MYO16: variants seen among roughly 807,000 people sequenced by gnomAD.
MYO16 encodes myosin XVI, also known as unconventional myosin-XVI.
A neutral mutation model predicts 205.3 loss-of-function variants in MYO16; 94 were observed. That is an observed-to-expected ratio of 0.46 (90% CI 0.39 to 0.54). The LOEUF is 0.54. Among genes scored for constraint, MYO16 ranks in the 20% least tolerant of loss-of-function variants. The pLI is 0.00. For missense variants in MYO16, 2,315 were observed against 2,387.5 expected (o/e 0.97, Z 0.63); for synonymous variants, 988 against 954.0 (o/e 1.04, Z -0.66).
chr13:109,207,567 T>C lies in MYO16; in HGVS notation c.*731T>C, dbSNP rs1402404964. 6.6e-6 allele frequency: 1 copy of C among 152,240 alleles called. No individual in the cohort carries two copies. The highest frequency in any genetic ancestry group is 2.4e-5 in the African/African-American group (1 of 41,456). The allele number at this position is 152,240 out of a possible 1,614,324, so 9.4% of individuals were successfully genotyped here. On this transcript the variant is annotated 3_prime_UTR_variant, in exon 35 of 35. Transcript: ENST00000457511. ...TGGATGAGGAGGCTGTTCTTTCCTATGCCCTGTATTTCTGGATAAGTGGAT... is the reference window on the plus strand; with the variant it reads ...TGGATGAGGAGGCTGTTCTTTCCTACGCCCTGTATTTCTGGATAAGTGGAT...
the MYO16 span, among the ~76,000 whole-genome samples, chr13:108,563,147 AT>A: frequency 2.6e-5 from 4 of 152,132 alleles, no homozygotes; most frequent in Admixed American, 2.6e-4. Flanking sequence ...AAAAATCTTA[AT>A]TTTTTAATGT....
chr13:108,992,527 AGT>A, intron 21 of MYO16, 79 bp downstream of exon 21: 1 of 819,492 alleles, frequency 1.2e-6, no homozygotes, highest in East Asian at 2.6e-5. Flanking sequence ...CTGTAAAGAC[AGT>A]GTAACTACTT....
intron 12 of MYO16, among the ~76,000 whole-genome samples, chr13:108,874,690 CATCATCATTATTATTATT>C (rs1319446263): frequency 1.7e-3 from 166 of 96,912 alleles, no homozygotes; most frequent in African/African-American, 5.3e-3. Context: ...ACAGTTTCAT[CATCATCATTATTATTATT>C]ATTATTATTA....
At chr13:108,831,493 T>A (rs1399513548) in intron 9 of MYO16, among the ~76,000 whole-genome samples, 3 of 152,146 alleles carry the variant, frequency 2.0e-5, no homozygotes, top group Non-Finnish European at 4.4e-5. Context: ...TGCCAAGTAA[T>A]CTTGCAACCA....
intron 2 of MYO16, among the ~76,000 whole-genome samples, chr13:108,676,372 C>CGCGT (rs1555337822): frequency 2.3e-5 from 3 of 131,672 alleles, no homozygotes; most frequent in Non-Finnish European, 3.2e-5. Context: ...TATATGTACG[C>CGCGT]GTGTGTGTGT....
chr13:109,012,594 C>T (rs999255545), intron 22 of MYO16, among the ~76,000 whole-genome samples: 3 of 151,886 alleles, frequency 2.0e-5, no homozygotes, highest in African/African-American at 7.3e-5. Flanking sequence ...ACCCCTGGTC[C>T]GTGGAAAAAT....
intron 1 of MYO16, among the ~76,000 whole-genome samples, chr13:108,652,627 G>A (rs376325212): frequency 1.3e-5 from 2 of 152,132 alleles, no homozygotes; most frequent in African/African-American, 2.4e-5. Flanking sequence ...CTCTTTAGAA[G>A]CCTCATATAA....
intron 23 of MYO16, among the ~76,000 whole-genome samples, chr13:109,022,218 T>A (rs1886056255): frequency 1.5e-5 from 2 of 133,852 alleles, no homozygotes; most frequent in South Asian, 4.5e-4. Context: ...ATTTTTATAT[T>A]TATATATTAT....
intron 16 of MYO16, among the ~76,000 whole-genome samples, chr13:108,949,762 A>G (rs1883070962): frequency 6.6e-6 from 1 of 152,210 alleles, no homozygotes; most frequent in African/African-American, 2.4e-5. Flanking sequence ...TACTCTACCC[A>G]TATTAAGGCC....
chr13:109,199,068 T>C (rs1880281306), intron 34 of MYO16, among the ~76,000 whole-genome samples: 1 of 151,732 alleles, frequency 6.6e-6, no homozygotes, highest in African/African-American at 2.4e-5. Context: ...TCTCCCCTGT[T>C]CTAACTGGTT....
intron 7 of MYO16, among the ~76,000 whole-genome samples, chr13:108,815,940 T>TA (rs1441525711): frequency 6.6e-5 from 10 of 152,278 alleles, no homozygotes; most frequent in African/African-American, 2.4e-4. Flanking sequence ...TGTTAGGTAA[T>TA]ACAGCAAGGG....
At chr13:108,610,244 T>C (rs1009607035) in intron 1 of MYO16, among the ~76,000 whole-genome samples, 8 of 152,180 alleles carry the variant, frequency 5.3e-5, no homozygotes, top group African/African-American at 1.9e-4. Context: ...ACACAGGGAC[T>C]GGACCAGCAC....
At chr13:108,821,491 G>A (rs1042367509) in intron 8 of MYO16, among the ~76,000 whole-genome samples, 1 of 152,078 alleles carries the variant, frequency 6.6e-6, no homozygotes, top group Non-Finnish European at 1.5e-5. Context: ...AGAACAAATA[G>A]ACATTTTTAG....
At chr13:109,025,600 G>A (rs9587753) in intron 23 of MYO16, among the ~76,000 whole-genome samples, 2,571 of 152,102 alleles carry the variant, frequency 0.017, 74 homozygotes, top group African/African-American at 0.059. Context: ...TCACTTATAG[G>A]GGCTTCTCTT....
chr13:108,502,938 T>G, the MYO16 span, among the ~76,000 whole-genome samples: 1 of 152,194 alleles, frequency 6.6e-6, no homozygotes, highest in African/African-American at 2.4e-5. Context: ...GCCTAAGAAA[T>G]AAAGAAACTT....
intron 21 of MYO16, among the ~76,000 whole-genome samples, chr13:109,007,769 T>C (rs1419383346): frequency 2.0e-5 from 3 of 152,046 alleles, no homozygotes; most frequent in Non-Finnish European, 4.4e-5. Context: ...AAGAGAAAAA[T>C]TGACAGTTGG....
chr13:109,111,346 G>A (rs577790087), intron 28 of MYO16, among the ~76,000 whole-genome samples: 2 of 152,302 alleles, frequency 1.3e-5, no homozygotes, highest in Middle Eastern at 6.8e-3. Context: ...CACATGAAAA[G>A]ATTGTGTTGT....
intron 2 of MYO16, among the ~76,000 whole-genome samples, chr13:108,678,777 T>C (rs547887408): frequency 5.3e-5 from 8 of 152,332 alleles, no homozygotes; most frequent in Admixed American, 1.3e-4. Flanking sequence ...CTGCAAATTC[T>C]AGAGATGGTA....
At chr13:108,504,769 T>C in the MYO16 span, among the ~76,000 whole-genome samples, 1 of 144,494 alleles carries the variant, frequency 6.9e-6, no homozygotes, top group Non-Finnish European at 1.5e-5. Context: ...TCTCTTGACC[T>C]TGTGATCCAC....
Sources: allele counts gnomAD v4.1 joint callset (sites outside exome capture counted in the v4.1 genomes callset), GRCh38; gene constraint gnomAD v4.1.1; transcripts MANE v1.5; gene names NCBI Gene and HGNC (gene_info 2026-07-23, HGNC 2026-07-21).